Variants in RIC3 observed in about 807,000 individuals in gnomAD.
The protein encoded by RIC3 is protein RIC-3.
RIC3 carries 28 observed loss-of-function variants against 27.3 expected under a neutral mutation model. That is an observed-to-expected ratio of 1.02 (90% CI 0.76 to 1.41). The LOEUF (loss-of-function observed/expected upper bound fraction) is 1.41. Ranked by LOEUF, RIC3 falls within the 40% of genes most tolerant of loss-of-function variation. The pLI is 0.00. For synonymous variants in RIC3, 184 were observed against 160.4 expected (o/e 1.15, Z -1.11); for missense variants, 501 against 444.7 (o/e 1.13, Z -1.14).
At chr11:8,114,549 T>G (rs1228626375) in intron 5 of RIC3, among the ~76,000 whole-genome samples, 1 of 147,996 alleles carries the variant, frequency 6.8e-6, no homozygotes, top group African/African-American at 2.5e-5. Flanking sequence ...GAGGTTCCAG[T>G]GAGCCAAGAT....
chr11:8,140,288 C>A, intron 1 of RIC3, 95 bp from the exon 2 acceptor site: 17 of 1,150,308 alleles, frequency 1.5e-5, no homozygotes, highest in Non-Finnish European at 2.1e-5. Flanking sequence ...GAGGCCAACA[C>A]AAACAAGTAG....
At chr11:8,162,149 C>G (rs1041862037) in intron 1 of RIC3, among the ~76,000 whole-genome samples, 2 of 152,192 alleles carry the variant, frequency 1.3e-5, no homozygotes, top group African/African-American at 4.8e-5. Context: ...GAGAACGAAC[C>G]CAGAGTGAAA....
chr11:8,098,943 C>A, the RIC3 span: 1 of 1,149,836 alleles, frequency 8.7e-7, no homozygotes, highest in Non-Finnish European at 1.3e-6. Flanking sequence ...GATGCCTGAT[C>A]TAGGGGCTAT....
rs539117545 is a variant in RIC3, at chr11:8,120,553, G to A, written c.670+6106C>T. ...AGGATGGAGGGCTAGGAGAGGGATA[G>A]CATTAGGAGAAATACCTAATGTAAA... On this transcript the variant is annotated intron_variant, in intron 5 of 5. Transcript: ENST00000309737. Among the ~76,000 whole-genome samples the A allele has an allele frequency of 7.9e-5, 12 of 152,280 alleles. 1 individual carries two copies. In the South Asian group the frequency reaches 2.5e-3, roughly 32 times the overall value.
intron 5 of RIC3, among the ~76,000 whole-genome samples, chr11:8,113,020 T>G (rs1945441765): frequency 6.6e-6 from 1 of 152,252 alleles, no homozygotes; most frequent in South Asian, 2.1e-4. Flanking sequence ...ACTGTCCATC[T>G]TATGACACCC....
At chr11:8,100,529 G>A in the RIC3 span, 3 of 1,613,974 alleles carry the variant, frequency 1.9e-6, no homozygotes, top group African/African-American at 1.3e-5. Context: ...GCTTCAAGGG[G>A]CCTCGGAAGA....
At chr11:8,101,282 T>C (rs114476991), downstream of RIC3, among the ~76,000 whole-genome samples, 3,737 of 152,296 alleles carry the variant, frequency 0.025, 167 homozygotes, top group African/African-American at 0.086. Flanking sequence ...TTCACATGCA[T>C]CTTACTTTGT....
In RIC3 at chr11:8,114,832, T is replaced by C. The variant is rs112695515; in HGVS notation, c.671-3695A>G. 2.6e-3 allele frequency among the ~76,000 whole-genome samples: 397 copies of C among 151,544 alleles called. 2 individuals carry two copies. Among genetic ancestry groups the C allele is most frequent in the African/African-American group, 9.2e-3 (381 of 41,296 alleles). ...TTCTACAGCTGAAAAATACGAGAATTGAAATGAAAAATGCAATAGAGAGTA... is the reference window on the plus strand; with the variant it reads ...TTCTACAGCTGAAAAATACGAGAATCGAAATGAAAAATGCAATAGAGAGTA... On this transcript the variant is annotated intron_variant, in intron 5 of 5. Coordinates refer to ENST00000309737, the MANE Select transcript of RIC3 (RefSeq NM_001206671.4).
At chr11:8,149,461 T>C (rs748157882) in intron 1 of RIC3, among the ~76,000 whole-genome samples, 9 of 152,134 alleles carry the variant, frequency 5.9e-5, no homozygotes, top group Non-Finnish European at 8.8e-5. Flanking sequence ...ATAAATTTGA[T>C]ACAGTGGACC....
rs1945104299 is a variant in RIC3, at chr11:8,110,371, CA to C, written c.*326del. The C allele has an allele frequency of 2.4e-6, 1 of 414,166 alleles. No homozygotes were observed. The highest frequency in any genetic ancestry group is 2.0e-5 in the African/African-American group (1 of 49,168). The allele number at this position is 414,166 out of a possible 1,614,324, so 25.7% of individuals were successfully genotyped here. ...CAGGTGAACTATCTGTTACACCTAC[CA>C]GGAAGAGTCAGACCTTTGCCCCTGA... On this transcript the variant is annotated 3_prime_UTR_variant, in exon 6 of 6. Transcript: ENST00000309737.
At chr11:8,139,904 A>G in intron 2 of RIC3, 63 bp downstream of exon 2, 1 of 1,422,394 alleles carries the variant, frequency 7.0e-7, no homozygotes, top group South Asian at 1.2e-5. Flanking sequence ...TAATGTAGAC[A>G]ATGATTTTTA....
chr11:8,101,368 G>A (rs1944294145), downstream of RIC3: 1 of 1,310,830 alleles, frequency 7.6e-7, no homozygotes, highest in Non-Finnish European at 1.1e-6. Flanking sequence ...TGATTCCCCT[G>A]GCATCTCTGC....
At position 8,110,620 on chromosome 11, in the gene RIC3, C is replaced by T; in HGVS notation, c.*78G>A. 1 of 1,287,022 alleles carries T rather than the reference C, an allele frequency of 7.8e-7. No homozygotes were observed. Among genetic ancestry groups the T allele is most frequent in the Non-Finnish European group, 1.1e-6 (1 of 887,154 alleles). The allele number at this position is 1,287,022 out of a possible 1,614,324, so 79.7% of individuals were successfully genotyped here. On this transcript the variant is annotated 3_prime_UTR_variant, in exon 6 of 6. Coordinates refer to ENST00000309737, the MANE Select transcript of RIC3 (RefSeq NM_001206671.4). ...TGAACACAGTGAAGAAAGTGCAGGG[C>T]ACAGGGCCAAGAAGGAAATCTGAGG...
intron 4 of RIC3, among the ~76,000 whole-genome samples, chr11:8,130,210 C>G (rs1947519973): frequency 6.6e-6 from 1 of 152,210 alleles, no homozygotes; most frequent in African/African-American, 2.4e-5. Context: ...TGACCCACTA[C>G]TAATTATCAC....
the RIC3 span, among the ~76,000 whole-genome samples, chr11:8,100,237 C>T: frequency 2.0e-4 from 30 of 152,068 alleles, no homozygotes; most frequent in Non-Finnish European, 3.5e-4. Context: ...AGAGAGGACT[C>T]GAGTGTGACC....
At chr11:8,100,955 C>G in the RIC3 span, 1 of 1,614,158 alleles carries the variant, frequency 6.2e-7, no homozygotes, top group Non-Finnish European at 8.5e-7. Context: ...GCGCGTCACA[C>G]AGGCCTCCGT....
intron 1 of RIC3, among the ~76,000 whole-genome samples, chr11:8,158,983 G>C (rs12279041): frequency 1.3e-5 from 2 of 150,842 alleles, no homozygotes; most frequent in African/African-American, 4.9e-5. Context: ...CACCCGCCTT[G>C]GCCTCCCAAA....
In RIC3 at chr11:8,108,341, C is replaced by T. The variant is rs544960112; in HGVS notation, c.*2357G>A. 1 of 152,184 alleles carries T rather than the reference C, an allele frequency of 6.6e-6. No homozygotes were observed. The highest frequency in any genetic ancestry group is 1.5e-5 in the Non-Finnish European group (1 of 68,034). The allele number at this position is 152,184 out of a possible 1,614,324, so 9.4% of individuals were successfully genotyped here. On this transcript the variant is annotated 3_prime_UTR_variant, in exon 6 of 6. Coordinates refer to ENST00000309737, the MANE Select transcript of RIC3 (RefSeq NM_001206671.4). ...TCTTTGCATGCCTCAAGGCCCACCT[C>T]CCAAGAAACTGTGAAGTTTCTTGGC...
intron 1 of RIC3, among the ~76,000 whole-genome samples, chr11:8,163,839 A>G (rs2134338884): frequency 6.6e-6 from 1 of 151,028 alleles, no homozygotes; most frequent in South Asian, 2.1e-4. Context: ...GGCAGAAACC[A>G]AAGTGATGAT....
Sources: allele counts gnomAD v4.1 joint callset (sites outside exome capture counted in the v4.1 genomes callset), GRCh38; gene constraint gnomAD v4.1.1; transcripts MANE v1.5; gene names NCBI Gene and HGNC (gene_info 2026-07-23, HGNC 2026-07-21).